The following GRAMD4 variants were observed in gnomAD, a reference collection of about 807,000 sequenced individuals.
GRAMD4 encodes GRAM domain containing 4, also known as GRAM domain-containing protein 4.
Under a neutral mutation model 83.9 loss-of-function variants are expected in GRAMD4, and 25 were observed. That is an observed-to-expected ratio of 0.30 (90% CI 0.22 to 0.42). The LOEUF is 0.42. Among genes scored for constraint, GRAMD4 ranks in the 10% least tolerant of loss-of-function variants. The pLI is 1.00. For synonymous variants in GRAMD4, 336 were observed against 320.9 expected (o/e 1.05, Z -0.50); for missense variants, 593 against 788.7 (o/e 0.75, Z 2.97).
At chr22:46,636,704 C>T (rs1307443955) in intron 2 of GRAMD4, among the ~76,000 whole-genome samples, 1 of 152,226 alleles carries the variant, frequency 6.6e-6, no homozygotes, top group African/African-American at 2.4e-5. Context: ...TCACCAGGTC[C>T]CTGGCAGGAT....
At position 46,677,327 on chromosome 22, in the gene GRAMD4, G is replaced by A; in HGVS notation, c.*76G>A. On this transcript the variant is annotated 3_prime_UTR_variant, in exon 19 of 19. Transcript: ENST00000406902. ...CTTTTTTTTTTTTTACGATTTGGTA[G>A]TGGAAACAATTGGACATCCTCATGA... is the stretch of plus-strand genomic sequence containing the variant. 1 of 1,496,646 alleles carries A rather than the reference G, an allele frequency of 6.7e-7. No individual in the cohort carries two copies. Among genetic ancestry groups the A allele is most frequent in the South Asian group, 1.3e-5 (1 of 76,722 alleles). The allele number at this position is 1,496,646 out of a possible 1,614,324, so 92.7% of individuals were successfully genotyped here.
chr22:46,616,511 A>T (rs1207419455), upstream of GRAMD4, among the ~76,000 whole-genome samples: 8 of 61,870 alleles, frequency 1.3e-4, no homozygotes, highest in South Asian at 5.1e-4. Flanking sequence ...GGTTCCCCCA[A>T]GCGTGTAGGT....
intron 1 of GRAMD4, among the ~76,000 whole-genome samples, chr22:46,578,818 T>G (rs534993810): frequency 3.6e-4 from 55 of 152,328 alleles, no homozygotes; most frequent in African/African-American, 1.3e-3. Context: ...CTGTCTTGCC[T>G]TGCTCCTGCC....
chr22:46,651,671 C>T (rs1189497729), intron 3 of GRAMD4, among the ~76,000 whole-genome samples: 1 of 152,192 alleles, frequency 6.6e-6, no homozygotes, highest in East Asian at 1.9e-4. Context: ...CATTAGGATG[C>T]GCTGTGGCAG....
chr22:46,615,218 CG>C (rs2081465106), intron 1 of GRAMD4, among the ~76,000 whole-genome samples: 1 of 14,812 alleles, frequency 6.8e-5, no homozygotes. Context: ...TAGGTTCCCC[CG>C]TGTGTAGGTT....
intron 1 of GRAMD4, among the ~76,000 whole-genome samples, chr22:46,586,612 C>T (rs1338969033): frequency 6.6e-6 from 1 of 152,190 alleles, no homozygotes; most frequent in African/African-American, 2.4e-5. Flanking sequence ...AGGGGGCAGA[C>T]GAAGGAGCCA....
chr22:46,587,599 G>A (rs957721476), intron 1 of GRAMD4, among the ~76,000 whole-genome samples: 2 of 152,050 alleles, frequency 1.3e-5, no homozygotes, highest in East Asian at 1.9e-4. Flanking sequence ...AGGCCGGGGC[G>A]GGGGGCCAGT....
chr22:46,666,668 G>A (rs994039547), intron 9 of GRAMD4, among the ~76,000 whole-genome samples, 157 bp from the exon 10 acceptor site: 1 of 152,170 alleles, frequency 6.6e-6, no homozygotes, highest in African/African-American at 2.4e-5. Flanking sequence ...CTCACAGCAG[G>A]GGGTTCCGGA....
rs554497595 is a variant in GRAMD4, at chr22:46,665,847, AC to A, written c.809+147del. On this transcript the variant is annotated intron_variant, in intron 9 of 18. Transcript: ENST00000406902. Reference sequence around the variant, plus strand: ...GGTGGTCCCCTGACAGGCTCCAGAGACCCCCCAGGCAGGGCGGCTGCCCCCT... The same window carrying A: ...GGTGGTCCCCTGACAGGCTCCAGAGACCCCCAGGCAGGGCGGCTGCCCCCT... 1.5e-5 allele frequency: 9 copies of A among 588,832 alleles called. No individual in the cohort carries two copies. The East Asian group carries it at 1.7e-4, about 11-fold the overall frequency. The allele number at this position is 588,832 out of a possible 1,614,324, so 36.5% of individuals were successfully genotyped here.
chr22:46,681,684 T>C (rs569280887), downstream of GRAMD4, among the ~76,000 whole-genome samples: 23 of 152,042 alleles, frequency 1.5e-4, no homozygotes, highest in African/African-American at 5.3e-4. Context: ...TCAGGGAGAG[T>C]CCAGAGGGGA....
chr22:46,614,786 C>CTGTG (rs1168717962), intron 1 of GRAMD4, among the ~76,000 whole-genome samples: 1 of 150,664 alleles, frequency 6.6e-6, no homozygotes, highest in Non-Finnish European at 1.5e-5. Context: ...GTAGGTTCCC[C>CTGTG]CGTGTGAAGG....
intron 1 of GRAMD4, among the ~76,000 whole-genome samples, chr22:46,605,326 G>A (rs2081354644): frequency 6.6e-6 from 1 of 152,194 alleles, no homozygotes; most frequent in Admixed American, 6.5e-5. Context: ...GTGTGGATGG[G>A]CCACATGTTG....
chr22:46,643,151 C>CCATCCATGCATCCATCCATGCATGCATG (rs2082006971), intron 3 of GRAMD4, among the ~76,000 whole-genome samples: 5 of 5,758 alleles, frequency 8.7e-4, no homozygotes, highest in Non-Finnish European at 1.3e-3. Context: ...TTCCATCCAT[C>CCATCCATGCATCCATCCATGCATGCATG]CATCCATCCA....
chr22:46,587,355 G>C lies in GRAMD4; in HGVS notation c.-50+10065G>C, dbSNP rs563887676. ...AGAAGTGAAACTGTCAGGTTTAAGT[G>C]TGTGGGGGTGGGAAGGGGAAGTCTG... On this transcript the variant is annotated intron_variant, in intron 1 of 1. Transcript: ENST00000431155. Among the ~76,000 whole-genome samples the C allele has an allele frequency of 5.9e-5, 9 of 152,290 alleles. No homozygotes were observed. In the South Asian group the frequency reaches 1.9e-3, roughly 32 times the overall value.
chr22:46,603,732 G>T (rs1392535610), intron 1 of GRAMD4, among the ~76,000 whole-genome samples: 3 of 151,164 alleles, frequency 2.0e-5, no homozygotes, highest in Non-Finnish European at 4.4e-5. Flanking sequence ...TAGCCAGGAT[G>T]GTCTCGATCT....
intron 1 of GRAMD4, chr22:46,587,783 C>T (rs548768275): frequency 4.7e-5 from 20 of 423,508 alleles, no homozygotes; most frequent in African/African-American, 4.1e-4. Flanking sequence ...CGTTGCTGGC[C>T]CCTGGAGCCT....
At chr22:46,608,917 C>G (rs5769021) in intron 1 of GRAMD4, among the ~76,000 whole-genome samples, 115,062 of 151,176 alleles carry the variant, frequency 0.76, 45,462 homozygotes, top group East Asian at 1. Context: ...GGCTGAGTTG[C>G]GAGGATCACT....
At chr22:46,647,645 G>A (rs1013028441) in intron 3 of GRAMD4, among the ~76,000 whole-genome samples, 1 of 152,252 alleles carries the variant, frequency 6.6e-6, no homozygotes, top group Non-Finnish European at 1.5e-5. Context: ...TGATGCCTGT[G>A]TTGAATTCCA....
intron 13 of GRAMD4, among the ~76,000 whole-genome samples, chr22:46,669,757 T>C (rs1398731426): frequency 6.6e-6 from 1 of 152,100 alleles, no homozygotes; most frequent in African/African-American, 2.4e-5. Flanking sequence ...TTTTGTATTT[T>C]TAGTAGAGAC....
Sources: gnomAD v4.1 joint callset for allele counts (sites outside exome capture counted in the v4.1 genomes callset) on GRCh38, gnomAD v4.1.1 for gene constraint, MANE v1.5 for transcripts, NCBI Gene and HGNC (gene_info 2026-07-23, HGNC 2026-07-21) for gene names.